DNAJC3: variants seen among roughly 807,000 people sequenced by gnomAD.
DNAJC3 encodes dnaJ homolog subfamily C member 3.
DNAJC3 carries 38 observed loss-of-function variants against 68.6 expected under a neutral mutation model. The observed-to-expected ratio is 0.55, with a 90% CI of 0.43 to 0.73. DNAJC3 has a LOEUF of 0.73. Ranked by LOEUF, DNAJC3 falls within the 30% of genes least tolerant of loss-of-function variation. The pLI is 0.00. For missense variants in DNAJC3, 526 were observed against 591.9 expected (o/e 0.89, Z 1.16); for synonymous variants, 203 against 204.0 (o/e 1.00, Z 0.04).
chr13:95,696,020 A>G (rs916334108), intron 1 of DNAJC3, among the ~76,000 whole-genome samples: 3 of 152,216 alleles, frequency 2.0e-5, no homozygotes, highest in African/African-American at 4.8e-5. Context: ...TGTACATAGT[A>G]CATACACACA....
At position 95,764,373 on chromosome 13, in the gene DNAJC3, C is replaced by T. The variant is rs60679063; in HGVS notation, c.1075+420C>T. On this transcript the variant is annotated intron_variant, in intron 9 of 11. Coordinates refer to ENST00000602402, the MANE Select transcript of DNAJC3 (RefSeq NM_006260.5). ...TCTCTCTCTCTCTCTCTCTCTCTCT[C>T]TCTATATATATATATATATATACTC... Among the ~76,000 whole-genome samples, 10 of 128,918 alleles carry T rather than the reference C, an allele frequency of 7.8e-5. No individual in the cohort carries two copies. In the East Asian group the frequency reaches 1.8e-3, roughly 23 times the overall value. The allele number at this position is 128,918 out of a possible 152,430, so 84.6% of individuals were successfully genotyped here.
At chr13:95,714,412 T>TAAAA (rs58381820) in intron 2 of DNAJC3, among the ~76,000 whole-genome samples, 12 of 135,304 alleles carry the variant, frequency 8.9e-5, no homozygotes, top group African/African-American at 3.2e-4. Context: ...CTTTTTTTCT[T>TAAAA]AAAAAAAAAA....
Position 95,792,862 on chromosome 13 carries a change from CTT to C in DNAJC3, c.*1834_*1835del, listed in dbSNP as rs1441697914. 1 of 152,126 alleles carries C rather than the reference CTT, an allele frequency of 6.6e-6. No homozygotes were observed. 9.4% of individuals were successfully genotyped at this position (152,126 alleles called of 1,614,324 possible). A position where few individuals can be genotyped will look rare whatever the true frequency, so the allele number is the denominator to read the frequency against. On this transcript the variant is annotated 3_prime_UTR_variant, in exon 12 of 12. Coordinates refer to ENST00000602402, the MANE Select transcript of DNAJC3 (RefSeq NM_006260.5). The stretch of plus-strand genomic sequence containing the variant: ...TTTGTATATGATGTCACTGTGACCT[CTT>C]TGAAATATAGTGATGGCTTTTACCT...
intron 2 of DNAJC3, among the ~76,000 whole-genome samples, chr13:95,711,815 C>T (rs1880976372): frequency 6.6e-6 from 1 of 151,690 alleles, no homozygotes; most frequent in South Asian, 2.1e-4. Context: ...ACAAAAATAA[C>T]AGTAAAGATG....
intron 4 of DNAJC3, among the ~76,000 whole-genome samples, chr13:95,747,789 A>G (rs554689403): frequency 6.6e-6 from 1 of 152,258 alleles, no homozygotes; most frequent in Non-Finnish European, 1.5e-5. Context: ...GGTGGGGTAG[A>G]CGTTTAGGAG....
At chr13:95,716,505 G>C (rs373912736) in intron 2 of DNAJC3, among the ~76,000 whole-genome samples, 13 of 152,222 alleles carry the variant, frequency 8.5e-5, no homozygotes, top group African/African-American at 2.7e-4. Context: ...GACAGCCTGA[G>C]TTCTTGCTCG....
intron 1 of DNAJC3, among the ~76,000 whole-genome samples, chr13:95,679,219 T>TATTA (rs1879850794): frequency 6.9e-6 from 1 of 144,860 alleles, no homozygotes; most frequent in African/African-American, 2.6e-5. Context: ...TTTTTTTTTT[T>TATTA]TGTAATTAAC....
intron 4 of DNAJC3, among the ~76,000 whole-genome samples, chr13:95,731,530 G>A (rs1382911262): frequency 6.6e-6 from 1 of 152,172 alleles, no homozygotes; most frequent in Non-Finnish European, 1.5e-5. Context: ...TTTATCAAAT[G>A]TTTTTACTGT....
chr13:95,788,145 C>T (rs370700147), intron 11 of DNAJC3, among the ~76,000 whole-genome samples: 22 of 152,214 alleles, frequency 1.4e-4, no homozygotes, highest in African/African-American at 4.6e-4. Context: ...AATGATCCTT[C>T]GTTTTCAAGT....
rs1299271704 is a variant in DNAJC3, at chr13:95,791,033, C to G, written c.*3C>G. On this transcript the variant is annotated 3_prime_UTR_variant, in exon 12 of 12. Transcript: ENST00000602402. ...GATTTAAATTCCACTTCAATTAAACCAACTGTTTTTCTGCTCTTCTTAATT... is the reference window on the plus strand; with the variant it reads ...GATTTAAATTCCACTTCAATTAAACGAACTGTTTTTCTGCTCTTCTTAATT... 1 of 1,612,974 alleles carries G rather than the reference C, an allele frequency of 6.2e-7. No individual in the cohort carries two copies. Among genetic ancestry groups the G allele is most frequent in the African/African-American group, 1.3e-5 (1 of 74,772 alleles).
At chr13:95,753,481 A>G (rs938885727) in intron 4 of DNAJC3, among the ~76,000 whole-genome samples, 1 of 152,212 alleles carries the variant, frequency 6.6e-6, no homozygotes, top group African/African-American at 2.4e-5. Flanking sequence ...TATGTTATCA[A>G]ATAATATCAA....
chr13:95,766,041 G>A (rs1011319855), intron 9 of DNAJC3, among the ~76,000 whole-genome samples: 6 of 152,138 alleles, frequency 3.9e-5, no homozygotes, highest in Middle Eastern at 3.2e-3. Context: ...TGGAATCAGA[G>A]GTTTAGTATA....
At chr13:95,698,809 T>C (rs1185779402) in intron 1 of DNAJC3, among the ~76,000 whole-genome samples, 1 of 152,178 alleles carries the variant, frequency 6.6e-6, no homozygotes, top group Non-Finnish European at 1.5e-5. Context: ...CAGAGAAGTA[T>C]AGCAAGTTTA....
At chr13:95,747,476 G>A (rs928688820) in intron 4 of DNAJC3, among the ~76,000 whole-genome samples, 2 of 152,200 alleles carry the variant, frequency 1.3e-5, no homozygotes, top group African/African-American at 4.8e-5. Flanking sequence ...TCAGAGGCAA[G>A]CATGTGCCTG....
intron 11 of DNAJC3, among the ~76,000 whole-genome samples, chr13:95,787,823 A>C (rs1035996535): frequency 6.6e-6 from 1 of 152,054 alleles, no homozygotes; most frequent in Non-Finnish European, 1.5e-5. Context: ...CTTTTGCCAT[A>C]CAGTAATATG....
intron 10 of DNAJC3, 80 bp downstream of exon 10, chr13:95,786,151 T>C (rs1418708023): frequency 1.5e-6 from 2 of 1,362,816 alleles, no homozygotes; most frequent in East Asian, 5.1e-5. Context: ...TTTTCCTCTC[T>C]GATTCATTTT....
rs761349171 is a variant in DNAJC3 at position 95,775,987 on chromosome 13, T to TTA, written c.1076-9937_1076-9936dup. ...TCCGCTCTCTGTGAAGATACTCTTT[T>TTA]TATATATATATATATACTTTTTTTT... On this transcript the variant is annotated intron_variant, in intron 9 of 11. Transcript: ENST00000602402. Among the ~76,000 whole-genome samples the TTA allele has an allele frequency of 1.8e-3, 273 of 150,810 alleles. 1 individual carries two copies. Among genetic ancestry groups the TTA allele is most frequent in the Middle Eastern group, 3.4e-3 (1 of 292 alleles).
intron 2 of DNAJC3, among the ~76,000 whole-genome samples, chr13:95,722,815 G>GCCCC (rs759729876): frequency 5.2e-4 from 8 of 15,334 alleles, no homozygotes; most frequent in African/African-American, 1.2e-3. Context: ...CACCTTGTCC[G>GCCCC]CCCCCCCCCC....
intron 9 of DNAJC3, among the ~76,000 whole-genome samples, chr13:95,774,518 T>C (rs1371893180): frequency 2.0e-5 from 3 of 152,116 alleles, no homozygotes; most frequent in Non-Finnish European, 4.4e-5. Flanking sequence ...AATTGTTGGG[T>C]GTAATATTTG....
Sources: allele counts gnomAD v4.1 joint callset (sites outside exome capture counted in the v4.1 genomes callset), GRCh38; gene constraint gnomAD v4.1.1; transcripts MANE v1.5; gene names NCBI Gene and HGNC (gene_info 2026-07-23, HGNC 2026-07-21).